The following FAM120B variants were observed in gnomAD, a reference collection of about 807,000 sequenced individuals.
FAM120B encodes constitutive coactivator of peroxisome proliferator-activated receptor gamma.
Under a neutral mutation model 96.3 loss-of-function variants are expected in FAM120B, and 83 were observed. The ratio of observed to expected loss-of-function variants is 0.86; its 90% CI spans 0.72 to 1.03. The LOEUF is 1.03. FAM120B is among the 50% of genes least tolerant of loss of function. The pLI, the probability that FAM120B is intolerant of heterozygous loss-of-function variation, is 0.00. For synonymous variants in FAM120B, 407 were observed against 402.7 expected (o/e 1.01, Z -0.13); for missense variants, 1,027 against 1,121.2 (o/e 0.92, Z 1.20).
chr6:170,391,652 T>C (rs1436905768), intron 8 of FAM120B, among the ~76,000 whole-genome samples: 1 of 152,256 alleles, frequency 6.6e-6, no homozygotes, highest in African/African-American at 2.4e-5. Flanking sequence ...TCTCTGCATG[T>C]GTAACCTCCT....
Position 170,388,445 on chromosome 6 carries a change from C to T in FAM120B, c.2442C>T (p.Tyr814=), listed in dbSNP as rs191708507. The T allele has an allele frequency of 3.3e-5, 53 of 1,614,164 alleles. No homozygotes were observed. The East Asian group carries it at 9.8e-4, about 30-fold the overall frequency. ...VFDGKLFHQK[Y]LQSEKGYAVE... ...ACGGGAAGCTTTTTCATCAGAAGTACTTGCAATCTGAAAAGGGTTATGCTG... is the reference window on the plus strand; with the variant it reads ...ACGGGAAGCTTTTTCATCAGAAGTATTTGCAATCTGAAAAGGGTTATGCTG... The change falls in exon 7 of 11, where the codon TAC becomes TAT. Residue 814 remains tyrosine, a synonymous_variant. Transcript: ENST00000476287.
At chr6:170,329,351 A>G (rs186384407) in intron 3 of FAM120B, among the ~76,000 whole-genome samples, 6 of 152,320 alleles carry the variant, frequency 3.9e-5, no homozygotes, top group African/African-American at 4.8e-5. Context: ...TGGGATAACA[A>G]TCTGGCACTG....
chr6:170,380,555 GA>G, intron 6 of FAM120B, among the ~76,000 whole-genome samples: 1 of 152,324 alleles, frequency 6.6e-6, no homozygotes, highest in Non-Finnish European at 1.5e-5. Context: ...AGGACATGGT[GA>G]GGTGATTTCA....
chr6:170,377,204 C>T (rs1240161238), intron 6 of FAM120B, among the ~76,000 whole-genome samples: 3 of 103,972 alleles, frequency 2.9e-5, no homozygotes, highest in Non-Finnish European at 5.5e-5. Flanking sequence ...CACGAGCTCA[C>T]GCTGCTCGGT....
At chr6:170,380,826 T>C (rs1211475581) in intron 6 of FAM120B, among the ~76,000 whole-genome samples, 1 of 152,256 alleles carries the variant, frequency 6.6e-6, no homozygotes, top group East Asian at 1.9e-4. Flanking sequence ...TTGGTCACTT[T>C]GCTGTTCAGC....
chr6:170,343,267 T>C (rs1224000088), intron 4 of FAM120B, among the ~76,000 whole-genome samples: 1 of 152,226 alleles, frequency 6.6e-6, no homozygotes, highest in African/African-American at 2.4e-5. Flanking sequence ...AGTAACTTTG[T>C]AATTAAAGCC....
At position 170,331,267 on chromosome 6, in the gene FAM120B, G is replaced by T. The variant is rs935095700; in HGVS notation, c.2017+717G>T. On this transcript the variant is annotated intron_variant, in intron 4 of 10. Coordinates refer to ENST00000476287, the MANE Select transcript of FAM120B (RefSeq NM_032448.3). ...TCAGAGTTTATTTTTAGTGGCTCAT[G>T]TCATTGTTTCACCGAACAAATATTT... Among the ~76,000 whole-genome samples, 3 of 152,318 alleles carry T rather than the reference G, an allele frequency of 2.0e-5. No homozygotes were observed. The South Asian group carries it at 6.2e-4, about 32-fold the overall frequency.
At chr6:170,356,105 A>G (rs1338538362) in intron 5 of FAM120B, among the ~76,000 whole-genome samples, 2 of 152,176 alleles carry the variant, frequency 1.3e-5, no homozygotes, top group Admixed American at 6.5e-5. Flanking sequence ...CTTCAAGCAG[A>G]AAAAGCCCAG....
intron 6 of FAM120B, among the ~76,000 whole-genome samples, chr6:170,360,889 T>G (rs575379761): frequency 1.3e-5 from 2 of 152,178 alleles, no homozygotes; most frequent in African/African-American, 2.4e-5. Flanking sequence ...CTCCCTCCTG[T>G]GAAAGGTGGA....
At chr6:170,398,860 G>T (rs1467293496) in intron 9 of FAM120B, among the ~76,000 whole-genome samples, 1 of 151,804 alleles carries the variant, frequency 6.6e-6, no homozygotes, top group Non-Finnish European at 1.5e-5. Flanking sequence ...TTAGAAGTGA[G>T]TGGGAAAGGT....
At position 170,295,485 on chromosome 6, in the gene FAM120B, C is replaced by G; in HGVS notation, c.48+32C>G. ...GCCGCCCGCGTGCACACAAGGCGCGCGGCCCCCAGGCAGCCGCGCTTCCAC... is the reference window on the plus strand; with the variant it reads ...GCCGCCCGCGTGCACACAAGGCGCGGGGCCCCCAGGCAGCCGCGCTTCCAC... On this transcript the variant is annotated intron_variant, in intron 1 of 10. Coordinates refer to the FAM120B transcript ENST00000537664. This position sits in a 1 kb window ranked among gnomAD's most constrained non-coding sequence, Gnocchi z 7.8. 1 of 695,752 alleles carries G rather than the reference C, an allele frequency of 1.4e-6. No individual in the cohort carries two copies. The highest frequency in any genetic ancestry group is 2.6e-6 in the Non-Finnish European group (1 of 381,878). The allele number at this position is 695,752 out of a possible 1,614,324, so 43.1% of individuals were successfully genotyped here.
chr6:170,335,462 G>A (rs1259943697), intron 4 of FAM120B, among the ~76,000 whole-genome samples: 2 of 152,112 alleles, frequency 1.3e-5, no homozygotes, highest in Admixed American at 6.5e-5. Flanking sequence ...TATCATTGAT[G>A]GGCATTTGGA....
At chr6:170,368,800 G>T (rs1788965978) in intron 6 of FAM120B, among the ~76,000 whole-genome samples, 1 of 111,720 alleles carries the variant, frequency 9.0e-6, no homozygotes, top group Admixed American at 1.1e-4. Context: ...TGTGCCAGCA[G>T]CTCTGCTGTC....
intron 6 of FAM120B, among the ~76,000 whole-genome samples, chr6:170,376,901 C>T (rs906795309): frequency 1.3e-5 from 2 of 151,972 alleles, no homozygotes; most frequent in African/African-American, 4.8e-5. Context: ...CGGGGAATGC[C>T]ACTTTGTGCT....
At chr6:170,364,160 T>C (rs1788634225) in intron 6 of FAM120B, among the ~76,000 whole-genome samples, 1 of 152,240 alleles carries the variant, frequency 6.6e-6, no homozygotes, top group South Asian at 2.1e-4. Flanking sequence ...ATGAAGTCAC[T>C]GAAGCAAAGG....
chr6:170,302,368 C>T (rs1025132266), upstream of FAM120B, among the ~76,000 whole-genome samples: 1 of 152,168 alleles, frequency 6.6e-6, no homozygotes, highest in African/African-American at 2.4e-5. Context: ...CAGGTCCTTC[C>T]CATGACATGT....
At chr6:170,345,320 C>A (rs1165348660) in intron 4 of FAM120B, among the ~76,000 whole-genome samples, 3 of 152,212 alleles carry the variant, frequency 2.0e-5, no homozygotes, top group African/African-American at 7.2e-5. Flanking sequence ...AGAACTCTAA[C>A]AGGCTGGGCA....
intron 3 of FAM120B, 117 bp downstream of exon 3, chr6:170,323,376 AT>A (rs1373212935): frequency 7.3e-6 from 6 of 821,984 alleles, no homozygotes; most frequent in Non-Finnish European, 1.1e-5. Context: ...AATGGGTTTT[AT>A]ATCCCTGTCA....
At position 170,388,363 on chromosome 6, in the gene FAM120B, A is replaced by G. The variant is rs1790309414; in HGVS notation, c.2360A>G (p.Asn787Ser). The part of the protein sequence containing the change: ...VRGLTTLVLV[N>S]SACGFPWKTS... ...GGCCTCACCACTCTGGTTTTAGTCA[A>G]CAGCGCATGTGGCTTCCCCTGGAAG... Residue 787 changes from asparagine to serine, a missense_variant, in exon 7 of 11, where the codon AAC becomes AGC. Transcript: ENST00000476287. The G allele has an allele frequency of 1.2e-6, 2 of 1,613,986 alleles. No homozygotes were observed. The highest frequency in any genetic ancestry group is 1.7e-6 in the Non-Finnish European group (2 of 1,180,022).
Sources: gnomAD v4.1 joint callset for allele counts (sites outside exome capture counted in the v4.1 genomes callset) on GRCh38, gnomAD v4.1.1 for gene constraint, Gnocchi (gnomAD v3.1) non-coding constraint, MANE v1.5 for transcripts, NCBI Gene and HGNC (gene_info 2026-07-23, HGNC 2026-07-21) for gene names.